FHIT: variants seen among roughly 807,000 people sequenced by gnomAD.
FHIT encodes the protein bis(5'-adenosyl)-triphosphatase.
FHIT carries 19 observed loss-of-function variants against 17.9 expected under a neutral mutation model. The ratio of observed to expected loss-of-function variants is 1.06; its 90% CI spans 0.74 to 1.56. The LOEUF (loss-of-function observed/expected upper bound fraction) is 1.56. FHIT is among the 40% of genes most tolerant of loss of function. The pLI, the probability that FHIT is intolerant of heterozygous loss-of-function variation, is 0.00. For synonymous variants in FHIT, 81 were observed against 69.7 expected, an observed-to-expected ratio of 1.16 and a Z score of -0.81; for missense variants, 248 against 189.2, an observed-to-expected ratio of 1.31 and a Z score of -1.82.
At chr3:60,861,804 C>T (rs79676010) in intron 3 of FHIT, among the ~76,000 whole-genome samples, 3,134 of 151,822 alleles carry the variant, frequency 0.021, 116 homozygotes, top group African/African-American at 0.072. Context: ...AAATATAATC[C>T]TTTTTTAAAA....
At chr3:60,512,168 G>C (rs994840318) in intron 5 of FHIT, among the ~76,000 whole-genome samples, 6 of 152,162 alleles carry the variant, frequency 3.9e-5, no homozygotes, top group African/African-American at 1.4e-4. Flanking sequence ...AACAAGACAT[G>C]TCTATTAATT....
intron 3 of FHIT, among the ~76,000 whole-genome samples, chr3:61,022,431 C>G (rs772093048): frequency 1.3e-5 from 2 of 152,172 alleles, no homozygotes; most frequent in Non-Finnish European, 2.9e-5. Flanking sequence ...GGAGCTGGTA[C>G]CATTCCTTCT....
At chr3:61,111,649 C>A (rs1362211164) in intron 2 of FHIT, among the ~76,000 whole-genome samples, 1 of 152,192 alleles carries the variant, frequency 6.6e-6, no homozygotes, top group African/African-American at 2.4e-5. Flanking sequence ...TAAAGTAATA[C>A]AAATGATAAT....
At chr3:59,795,821 G>A (rs1407825558) in intron 8 of FHIT, among the ~76,000 whole-genome samples, 1 of 152,208 alleles carries the variant, frequency 6.6e-6, no homozygotes, top group East Asian at 1.9e-4. Flanking sequence ...CCATCGGATT[G>A]GAAAAAGTGG....
intron 8 of FHIT, among the ~76,000 whole-genome samples, chr3:59,785,011 G>A (rs1228986019): frequency 6.6e-6 from 1 of 152,124 alleles, no homozygotes; most frequent in East Asian, 1.9e-4. Flanking sequence ...GGAAGGCAAA[G>A]TGGAAGCAGA....
intron 5 of FHIT, among the ~76,000 whole-genome samples, chr3:60,530,699 T>A (rs767109880): frequency 6.6e-6 from 1 of 152,166 alleles, no homozygotes; most frequent in African/African-American, 2.4e-5. Context: ...GTTTTCTGCA[T>A]TGTAATTCTT....
intron 2 of FHIT, among the ~76,000 whole-genome samples, chr3:61,090,992 A>G (rs973145005): frequency 1.3e-5 from 2 of 152,210 alleles, no homozygotes; most frequent in East Asian, 1.9e-4. Context: ...GTCACTCACA[A>G]TCTGTCAAGA....
At chr3:61,179,008 CTTTTTTT>C (rs778191387) in intron 2 of FHIT, among the ~76,000 whole-genome samples, 2 of 127,626 alleles carry the variant, frequency 1.6e-5, no homozygotes, top group Admixed American at 8.0e-5. Flanking sequence ...TTTTCTTTTT[CTTTTTTT>C]TTTTTTTTTT....
At chr3:59,914,595 G>T (rs1298854216) in intron 8 of FHIT, among the ~76,000 whole-genome samples, 1 of 152,086 alleles carries the variant, frequency 6.6e-6, no homozygotes, top group African/African-American at 2.4e-5. Flanking sequence ...AATGCTTTGG[G>T]ACTTTAAAAT....
At chr3:61,137,497 C>G (rs2106982582) in intron 2 of FHIT, among the ~76,000 whole-genome samples, 1 of 152,214 alleles carries the variant, frequency 6.6e-6, no homozygotes, top group East Asian at 1.9e-4. Context: ...CCCTGTCTCA[C>G]TATGCTGCAA....
At chr3:61,017,216 A>G (rs2032161963) in intron 3 of FHIT, among the ~76,000 whole-genome samples, 2 of 152,166 alleles carry the variant, frequency 1.3e-5, no homozygotes, top group African/African-American at 4.8e-5. Context: ...CTTGAACCTA[A>G]GAAGTGGAGG....
intron 5 of FHIT, among the ~76,000 whole-genome samples, chr3:60,310,524 C>A (rs1455257070): frequency 6.6e-6 from 1 of 151,670 alleles, no homozygotes. Context: ...AGGAACAGAC[C>A]AAAAAGGCAC....
At chr3:60,846,181 A>C (rs1220642737) in intron 3 of FHIT, among the ~76,000 whole-genome samples, 1 of 152,174 alleles carries the variant, frequency 6.6e-6, no homozygotes, top group African/African-American at 2.4e-5. Flanking sequence ...CCCTATTCTT[A>C]AGGCAATACA....
chr3:60,730,065 G>C (rs1223797319), intron 4 of FHIT: 2 of 498,938 alleles, frequency 4.0e-6, no homozygotes, highest in Admixed American at 2.2e-5. Context: ...CAACCCTCTG[G>C]ACTTCAAAAA....
intron 3 of FHIT, among the ~76,000 whole-genome samples, chr3:60,872,806 T>G (rs1704467881): frequency 6.6e-6 from 1 of 152,022 alleles, no homozygotes; most frequent in Non-Finnish European, 1.5e-5. Context: ...GCCTTAAAAT[T>G]GCTTAACTCC....
At chr3:61,167,185 C>T (rs2037864154) in intron 2 of FHIT, 1 of 152,018 alleles carries the variant, frequency 6.6e-6, no homozygotes. Context: ...CAGGATTTTT[C>T]TTGAGCACTT....
chr3:60,106,415 C>T (rs1704414913), intron 5 of FHIT, among the ~76,000 whole-genome samples: 1 of 152,130 alleles, frequency 6.6e-6, no homozygotes, highest in Non-Finnish European at 1.5e-5. Flanking sequence ...TGCTCTCACA[C>T]CTCAAACCGC....
At chr3:60,393,772 G>A (rs1701326094) in intron 5 of FHIT, among the ~76,000 whole-genome samples, 1 of 152,044 alleles carries the variant, frequency 6.6e-6, no homozygotes, top group Non-Finnish European at 1.5e-5. Context: ...TGGCAACCAT[G>A]AACTCTTATC....
intron 5 of FHIT, among the ~76,000 whole-genome samples, chr3:60,513,567 C>CT (rs2035028061): frequency 1.3e-5 from 2 of 152,296 alleles, no homozygotes; most frequent in Admixed American, 1.3e-4. Flanking sequence ...ATCCTCCAAT[C>CT]TTTCAGCTTT....
Sources: allele counts gnomAD v4.1 joint callset (sites outside exome capture counted in the v4.1 genomes callset), GRCh38; gene constraint gnomAD v4.1.1; transcripts MANE v1.5; gene names NCBI Gene and HGNC (gene_info 2026-07-23, HGNC 2026-07-21).